CFAP299: variants seen among roughly 807,000 people sequenced by gnomAD.
The protein encoded by CFAP299 is cilia- and flagella-associated protein 299.
Under a neutral mutation model 27.0 loss-of-function variants are expected in CFAP299, and 21 were observed. The ratio of observed to expected loss-of-function variants is 0.78; its 90% CI spans 0.55 to 1.12. CFAP299 has a LOEUF of 1.12. Among genes scored for constraint, CFAP299 ranks in the 50% most tolerant of loss-of-function variants. The probability of loss-of-function intolerance (pLI) is 0.00; values close to 1 mark genes in which losing one functional copy is unlikely to be tolerated. For synonymous variants in CFAP299, 104 were observed against 98.1 expected (o/e 1.06, Z -0.36); for missense variants, 310 against 276.6 (o/e 1.12, Z -0.86).
chr4:80,800,344 TA>T (rs1410668352), intron 3 of CFAP299, among the ~76,000 whole-genome samples: 39 of 72,400 alleles, frequency 5.4e-4, no homozygotes, highest in African/African-American at 2.0e-3. Flanking sequence ...ATATATAATA[TA>T]TAATATATAT....
At chr4:80,427,807 C>G (rs963763219) in intron 2 of CFAP299, among the ~76,000 whole-genome samples, 4 of 152,148 alleles carry the variant, frequency 2.6e-5, no homozygotes, top group African/African-American at 9.7e-5. Flanking sequence ...TTTATTTCAA[C>G]TGCCTATAAT....
rs75591589 is a variant in CFAP299, at chr4:80,340,329, T to G, written c.111+4450T>G. ...CAGGAGATCCCCTCAGGAGGCCACT[T>G]TACCAGGGCCTTCCATCCAATACTC... On this transcript the variant is annotated intron_variant, in intron 1 of 5. Transcript: ENST00000358105. Among the ~76,000 whole-genome samples the G allele has an allele frequency of 5.3e-4, 81 of 152,232 alleles. No homozygotes were observed. In the East Asian group the frequency reaches 0.015, roughly 28 times the overall value.
intron 3 of CFAP299, among the ~76,000 whole-genome samples, chr4:80,752,858 T>G (rs1012715615): frequency 3.9e-5 from 6 of 152,126 alleles, no homozygotes; most frequent in Admixed American, 1.3e-4. Context: ...TAATGCCTAT[T>G]TTTAAATAAT....
At chr4:80,891,789 T>TAA (rs1355453928) in intron 4 of CFAP299, among the ~76,000 whole-genome samples, 16 of 35,070 alleles carry the variant, frequency 4.6e-4, no homozygotes, top group African/African-American at 1.6e-3. Flanking sequence ...AAAAAAAAAA[T>TAA]AAAAAAAAAA....
At position 80,747,935 on chromosome 4, in the gene CFAP299, C is replaced by A. The variant is rs185815411; in HGVS notation, c.334-122058C>A. 5.9e-5 allele frequency among the ~76,000 whole-genome samples: 9 copies of A among 152,102 alleles called. No homozygotes were observed. In the East Asian group the frequency reaches 1.7e-3, roughly 29 times the overall value. ...ATTACTGGTTTACTGTTTGTACTTTCCGATCAAACATCTTTCTGAATTCCT... is the reference window on the plus strand; with the variant it reads ...ATTACTGGTTTACTGTTTGTACTTTACGATCAAACATCTTTCTGAATTCCT... On this transcript the variant is annotated intron_variant, in intron 3 of 5. Transcript: ENST00000358105.
chr4:80,631,097 C>T (rs1271117306), intron 3 of CFAP299, among the ~76,000 whole-genome samples: 1 of 152,012 alleles, frequency 6.6e-6, no homozygotes, highest in Non-Finnish European at 1.5e-5. Flanking sequence ...ATTATGTTCA[C>T]ATCAATTGGC....
At chr4:80,534,317 A>G (rs904783514) in intron 2 of CFAP299, among the ~76,000 whole-genome samples, 14 of 119,596 alleles carry the variant, frequency 1.2e-4, no homozygotes, top group East Asian at 4.2e-4. Context: ...CACTCTGTGG[A>G]AAAAAAAAAA....
At chr4:80,353,612 G>C (rs1578345583) in intron 1 of CFAP299, among the ~76,000 whole-genome samples, 1 of 152,194 alleles carries the variant, frequency 6.6e-6, no homozygotes, top group Non-Finnish European at 1.5e-5. Context: ...TCAAGTAGCT[G>C]TTCCTGGAAG....
chr4:80,558,732 G>C (rs1322823533), intron 2 of CFAP299, among the ~76,000 whole-genome samples: 1 of 151,418 alleles, frequency 6.6e-6, no homozygotes, highest in Non-Finnish European at 1.5e-5. Context: ...GTAGAACATA[G>C]ATTAAAAAAC....
At chr4:80,539,581 G>A (rs1224126963) in intron 2 of CFAP299, among the ~76,000 whole-genome samples, 1 of 152,148 alleles carries the variant, frequency 6.6e-6, no homozygotes, top group Non-Finnish European at 1.5e-5. Flanking sequence ...TACTGGCTTA[G>A]CGTGTGAGAG....
intron 2 of CFAP299, chr4:80,387,619 C>G (rs1348628473): frequency 3.0e-6 from 4 of 1,332,884 alleles, no homozygotes. Context: ...CACAGTGCCA[C>G]CACCGTGTCC....
At chr4:80,870,851 A>G in intron 4 of CFAP299, 1 of 985,164 alleles carries the variant, frequency 1.0e-6, no homozygotes, top group Non-Finnish European at 1.2e-6. Flanking sequence ...GATGCCTGTT[A>G]TCCTCTATCC....
chr4:80,875,961 G>T (rs1733353178), intron 4 of CFAP299, among the ~76,000 whole-genome samples: 1 of 151,818 alleles, frequency 6.6e-6, no homozygotes, highest in African/African-American at 2.4e-5. Context: ...TTCAGCCCTT[G>T]GTCTCCCTCA....
At chr4:80,830,418 G>A (rs1730236309) in intron 3 of CFAP299, among the ~76,000 whole-genome samples, 1 of 152,102 alleles carries the variant, frequency 6.6e-6, no homozygotes, top group African/African-American at 2.4e-5. Context: ...TATACTCTCT[G>A]AGGAGAGGTA....
At chr4:80,816,450 A>G (rs1259692069) in intron 3 of CFAP299, among the ~76,000 whole-genome samples, 2 of 152,172 alleles carry the variant, frequency 1.3e-5, no homozygotes, top group East Asian at 1.9e-4. Flanking sequence ...CCTGATGTCA[A>G]ACAAACCAAG....
chr4:80,621,063 C>A (rs1024656953), intron 3 of CFAP299, among the ~76,000 whole-genome samples: 3 of 152,024 alleles, frequency 2.0e-5, no homozygotes, highest in African/African-American at 7.2e-5. Context: ...GACACCCTAT[C>A]ATTAATAGAT....
chr4:80,346,350 A>T (rs1722726183), intron 1 of CFAP299, among the ~76,000 whole-genome samples: 1 of 152,308 alleles, frequency 6.6e-6, no homozygotes. Context: ...GTCCTTGCTC[A>T]TGCCTATGTC....
rs1395272952 is a variant in CFAP299 at position 80,462,678 on chromosome 4, C to G, written c.242+99794C>G. ...ATCCCACCCTTGCTTTTCCAATTTA[C>G]AACAGCTCAAACCTCTGCCCAGCTT... On this transcript the variant is annotated intron_variant, in intron 2 of 5. Coordinates refer to ENST00000358105, the MANE Select transcript of CFAP299 (RefSeq NM_152770.3). Among the ~76,000 whole-genome samples the G allele has an allele frequency of 2.0e-5, 3 of 152,144 alleles. No homozygotes were observed. The East Asian group carries it at 5.8e-4, about 29-fold the overall frequency.
intron 3 of CFAP299, among the ~76,000 whole-genome samples, chr4:80,858,896 G>T (rs1353530779): frequency 6.6e-6 from 1 of 152,120 alleles, no homozygotes; most frequent in African/African-American, 2.4e-5. Flanking sequence ...GTTGATTTGG[G>T]GTGGAGAGTT....
Sources: allele counts gnomAD v4.1 joint callset (sites outside exome capture counted in the v4.1 genomes callset), GRCh38; gene constraint gnomAD v4.1.1; transcripts MANE v1.5; gene names NCBI Gene and HGNC (gene_info 2026-07-23, HGNC 2026-07-21).